PELI2: variants seen among roughly 807,000 people sequenced by gnomAD.
PELI2 encodes the protein pellino E3 ubiquitin protein ligase family member 2.
In PELI2, 23 loss-of-function variants were observed where a neutral mutation model predicts 42.3. That is an observed-to-expected ratio of 0.54 (90% CI 0.39 to 0.77). The LOEUF (loss-of-function observed/expected upper bound fraction) is 0.77, where lower values mean the gene tolerates loss of function less well. Ranked by LOEUF, PELI2 falls within the 30% of genes least tolerant of loss-of-function variation. PELI2 has a pLI of 0.00. For missense variants in PELI2, 463 were observed against 553.2 expected (o/e 0.84, Z 1.64); for synonymous variants, 245 against 212.2 (o/e 1.15, Z -1.34).
chr14:56,139,042 G>T (rs147539809), intron 1 of PELI2, among the ~76,000 whole-genome samples: 298 of 152,308 alleles, frequency 2.0e-3, no homozygotes, highest in Non-Finnish European at 3.6e-3. Flanking sequence ...TTTCAGAATT[G>T]TGGAGACAGC....
intron 1 of PELI2, among the ~76,000 whole-genome samples, chr14:56,156,509 A>G (rs191794098): frequency 9.2e-5 from 14 of 152,348 alleles, no homozygotes; most frequent in Admixed American, 9.1e-4. Flanking sequence ...TGAGGACAGA[A>G]TTGAACTAGC....
Position 56,244,101 on chromosome 14 carries a change from A to G in PELI2, c.208-35575A>G, listed in dbSNP as rs1281320193. ...GATCAAGTACAAAATAGTGTTTTCC[A>G]GGGTGAAACTGATGAATTTTGTTAC... On this transcript the variant is annotated intron_variant, in intron 2 of 5. Transcript: ENST00000267460. Among the ~76,000 whole-genome samples the G allele has an allele frequency of 2.6e-5, 4 of 152,204 alleles. No homozygotes were observed. The East Asian group carries it at 7.7e-4, about 29-fold the overall frequency.
intron 2 of PELI2, among the ~76,000 whole-genome samples, chr14:56,275,041 A>G (rs1055501077): frequency 6.7e-6 from 1 of 150,162 alleles, no homozygotes; most frequent in African/African-American, 2.5e-5. Flanking sequence ...TCTAAATCTC[A>G]TCTTGTATCT....
At chr14:56,264,094 G>A (rs1305488920) in intron 2 of PELI2, among the ~76,000 whole-genome samples, 1 of 152,166 alleles carries the variant, frequency 6.6e-6, no homozygotes, top group African/African-American at 2.4e-5. Flanking sequence ...ATGTATGCAC[G>A]GTGGCAAGAA....
chr14:56,236,378 C>G (rs1407244988), intron 2 of PELI2, among the ~76,000 whole-genome samples: 1 of 152,152 alleles, frequency 6.6e-6, no homozygotes, highest in African/African-American at 2.4e-5. Context: ...TACAGCACCT[C>G]TAAAGCTGTG....
chr14:56,265,317 T>C (rs1297035608), intron 2 of PELI2, among the ~76,000 whole-genome samples: 1 of 152,088 alleles, frequency 6.6e-6, no homozygotes, highest in South Asian at 2.1e-4. Context: ...AGCCCAGAAA[T>C]AGACCCATAT....
intron 2 of PELI2, among the ~76,000 whole-genome samples, chr14:56,248,240 G>A (rs1445752714): frequency 1.3e-5 from 2 of 152,178 alleles, no homozygotes; most frequent in African/African-American, 4.8e-5. Flanking sequence ...CATGTCATAT[G>A]AGCCGACCAA....
chr14:56,150,685 G>A (rs1884316004), intron 1 of PELI2, among the ~76,000 whole-genome samples: 1 of 152,206 alleles, frequency 6.6e-6, no homozygotes, highest in Admixed American at 6.5e-5. Context: ...AAAAGTGGCA[G>A]ATTTATTTGC....
chr14:56,208,680 C>T (rs182395912), intron 2 of PELI2, among the ~76,000 whole-genome samples: 4 of 152,156 alleles, frequency 2.6e-5, no homozygotes, highest in Middle Eastern at 3.2e-3. Flanking sequence ...TGAGTACTCA[C>T]GAGTTTTTAT....
At chr14:56,184,127 G>A (rs756696700) in intron 2 of PELI2, among the ~76,000 whole-genome samples, 6 of 152,072 alleles carry the variant, frequency 3.9e-5, no homozygotes, top group Non-Finnish European at 7.4e-5. Context: ...ACGGTCAGCC[G>A]AAGATGGGAA....
rs951757630 is a variant in PELI2, at chr14:56,276,117, T to G, written c.208-3559T>G. 2.0e-5 allele frequency among the ~76,000 whole-genome samples: 3 copies of G among 152,332 alleles called. No homozygotes were observed. The East Asian group carries it at 5.8e-4, about 29-fold the overall frequency. ...AATATTGTTGAACAATTGATACTTC[T>G]AACAAAAAGTTCAATGCCATATGTA... On this transcript the variant is annotated intron_variant, in intron 2 of 5. Transcript: ENST00000267460.
chr14:56,248,786 T>G, intron 2 of PELI2, among the ~76,000 whole-genome samples: 1 of 151,732 alleles, frequency 6.6e-6, no homozygotes, highest in East Asian at 1.9e-4. Flanking sequence ...TTGCTGCTCC[T>G]TAGTATTCTG....
At chr14:56,168,965 G>A (rs1885068073) in intron 1 of PELI2, among the ~76,000 whole-genome samples, 2 of 152,094 alleles carry the variant, frequency 1.3e-5, no homozygotes, top group Non-Finnish European at 2.9e-5. Context: ...ATCTAGAAAT[G>A]TCATCTGGGA....
chr14:56,195,979 G>A (rs1234669329), intron 2 of PELI2, among the ~76,000 whole-genome samples: 2 of 152,194 alleles, frequency 1.3e-5, no homozygotes, highest in Non-Finnish European at 2.9e-5. Context: ...ACTGCAAAAT[G>A]TCAGTTTATC....
At chr14:56,271,453 A>G (rs1036510228) in intron 2 of PELI2, among the ~76,000 whole-genome samples, 2 of 152,220 alleles carry the variant, frequency 1.3e-5, no homozygotes, top group Admixed American at 1.3e-4. Flanking sequence ...AGAGGTCAGT[A>G]TAGTTATTTT....
At chr14:56,296,513 T>C (rs1240989363) in intron 5 of PELI2, 87 bp from the exon 6 acceptor site, 2 of 891,136 alleles carry the variant, frequency 2.2e-6, no homozygotes, top group Non-Finnish European at 3.5e-6. Context: ...TCTTCAAATA[T>C]TTTTTTGCTT....
chr14:56,293,186 G>T (rs1889889093), intron 5 of PELI2, among the ~76,000 whole-genome samples: 1 of 152,126 alleles, frequency 6.6e-6, no homozygotes, highest in Non-Finnish European at 1.5e-5. Context: ...AGTGGTGGAT[G>T]GGGGGTTGAA....
chr14:56,158,945 A>G (rs1416827998), intron 1 of PELI2, among the ~76,000 whole-genome samples: 1 of 152,206 alleles, frequency 6.6e-6, no homozygotes, highest in Non-Finnish European at 1.5e-5. Flanking sequence ...TGATTTTCTT[A>G]CAACTGATAT....
Position 56,296,602 on chromosome 14 carries a change from G to A in PELI2, c.699G>A (p.Val233=), listed in dbSNP as rs1260109199. 3 of 1,591,158 alleles carry A rather than the reference G, an allele frequency of 1.9e-6. No individual in the cohort carries two copies. The highest frequency in any genetic ancestry group is 2.6e-6 in the Non-Finnish European group (3 of 1,165,452). Reference sequence around the variant, plus strand: ...CATGTGTCTCAAACTTGTTGTAGGTGGAAAGTGAGACCAACGTCCTGCAGG... The same window carrying A: ...CATGTGTCTCAAACTTGTTGTAGGTAGAAAGTGAGACCAACGTCCTGCAGG... The part of the protein sequence containing the change: ...TRSAQQRGKL[V]ESETNVLQDG... Residue 233 remains valine, a splice_region_variant and synonymous_variant, in exon 6 of 6, where the codon GTG becomes GTA. Transcript: ENST00000267460.
Sources: allele counts gnomAD v4.1 joint callset (sites outside exome capture counted in the v4.1 genomes callset), GRCh38; gene constraint gnomAD v4.1.1; transcripts MANE v1.5; gene names NCBI Gene and HGNC (gene_info 2026-07-23, HGNC 2026-07-21).